Variants in PTPRK observed in about 807,000 individuals in gnomAD.
The protein encoded by PTPRK is protein tyrosine phosphatase receptor type K.
Under a neutral mutation model 178.0 loss-of-function variants are expected in PTPRK, and 75 were observed. The observed-to-expected ratio is 0.42, with a 90% CI of 0.35 to 0.51. The LOEUF (loss-of-function observed/expected upper bound fraction) is 0.51, where lower values mean the gene tolerates loss of function less well. Among genes scored for constraint, PTPRK ranks in the 20% least tolerant of loss-of-function variants. The pLI is 0.02. For missense variants in PTPRK, 1,441 were observed against 1,797.8 expected, an observed-to-expected ratio of 0.80 and a Z score of 3.59; for synonymous variants, 637 against 620.6, an observed-to-expected ratio of 1.03 and a Z score of -0.39.
chr6:128,287,630 A>G (rs1822716085), intron 3 of PTPRK, among the ~76,000 whole-genome samples: 1 of 152,150 alleles, frequency 6.6e-6, no homozygotes, highest in Non-Finnish European at 1.5e-5. Context: ...AAGACAAATC[A>G]TCAAAACTAG....
At chr6:128,421,330 A>G (rs1562486758) in intron 1 of PTPRK, among the ~76,000 whole-genome samples, 1 of 152,242 alleles carries the variant, frequency 6.6e-6, no homozygotes, top group East Asian at 1.9e-4. Flanking sequence ...ATATGAAAAC[A>G]AAATAGGGCT....
intron 1 of PTPRK, among the ~76,000 whole-genome samples, chr6:128,481,464 G>C (rs1852069655): frequency 1.3e-5 from 2 of 152,098 alleles, no homozygotes; most frequent in Admixed American, 6.6e-5. Flanking sequence ...ACAAAGATTA[G>C]ATAAATGAAT....
chr6:128,145,017 G>A (rs1423695535), intron 7 of PTPRK, among the ~76,000 whole-genome samples: 2 of 151,928 alleles, frequency 1.3e-5, no homozygotes, highest in Non-Finnish European at 2.9e-5. Flanking sequence ...TGTCAGATGT[G>A]GTGTTTAAAA....
At chr6:128,267,028 T>C (rs1222210073) in intron 3 of PTPRK, among the ~76,000 whole-genome samples, 3 of 152,186 alleles carry the variant, frequency 2.0e-5, no homozygotes, top group African/African-American at 7.2e-5. Context: ...AAAAATCTTA[T>C]GAAATCACAT....
At chr6:128,092,524 G>C (rs1271546869) in intron 7 of PTPRK, among the ~76,000 whole-genome samples, 2 of 152,016 alleles carry the variant, frequency 1.3e-5, no homozygotes, top group African/African-American at 4.8e-5. Flanking sequence ...TGTGTGTATA[G>C]ATACACACAT....
Position 128,278,716 on chromosome 6 carries a change from C to T in PTPRK, c.496-36114G>A, listed in dbSNP as rs537588161. On this transcript the variant is annotated intron_variant, in intron 3 of 29. Transcript: ENST00000368226. ...TTATTATCAAACACTTGAAAGATAA[C>T]ATAACTAACTAATACTTCTCAAACA... Among the ~76,000 whole-genome samples the T allele has an allele frequency of 3.9e-5, 6 of 152,224 alleles. No individual in the cohort carries two copies. The South Asian group carries it at 1.2e-3, about 32-fold the overall frequency.
intron 3 of PTPRK, among the ~76,000 whole-genome samples, chr6:128,297,837 C>A (rs910867373): frequency 2.0e-5 from 3 of 152,110 alleles, no homozygotes; most frequent in African/African-American, 7.2e-5. Context: ...AGAGCAAACA[C>A]ATTCAAAAGC....
intron 1 of PTPRK, among the ~76,000 whole-genome samples, chr6:128,408,815 A>C (rs1172181239): frequency 6.6e-6 from 1 of 152,248 alleles, no homozygotes; most frequent in Non-Finnish European, 1.5e-5. Context: ...CACTGAGAGC[A>C]AAATGGCTTG....
In PTPRK at chr6:127,970,287, G is replaced by A. The variant is rs749209149; in HGVS notation, c.4270-7C>T. ...AGCAGAAACGGTATTGCTCCTGAAAGATGTCAAAACACAAAGAGTGAGAAA... is the reference window on the plus strand; with the variant it reads ...AGCAGAAACGGTATTGCTCCTGAAAAATGTCAAAACACAAAGAGTGAGAAA... On this transcript the variant is annotated splice_polypyrimidine_tract_variant and splice_region_variant and intron_variant, in intron 29 of 29. Transcript: ENST00000368226. 6 of 1,608,834 alleles carry A rather than the reference G, an allele frequency of 3.7e-6. No individual in the cohort carries two copies. The Admixed American group carries it at 8.4e-5, about 23-fold the overall frequency.
At chr6:128,227,129 A>G (rs1811488839) in intron 5 of PTPRK, among the ~76,000 whole-genome samples, 1 of 152,174 alleles carries the variant, frequency 6.6e-6, no homozygotes, top group Non-Finnish European at 1.5e-5. Flanking sequence ...TGTATTTGCT[A>G]CCTTAGAACA....
At chr6:128,012,150 C>T (rs1779126049) in intron 13 of PTPRK, among the ~76,000 whole-genome samples, 1 of 151,266 alleles carries the variant, frequency 6.6e-6, no homozygotes. Context: ...GAATTCTCCT[C>T]AAAGTCTTTA....
chr6:127,992,832 AG>A, intron 18 of PTPRK, 123 bp from the exon 19 acceptor site: 1 of 696,092 alleles, frequency 1.4e-6, no homozygotes, highest in Non-Finnish European at 2.4e-6. Flanking sequence ...TCCAGAAATG[AG>A]TAGTGAACAC....
At chr6:128,409,347 A>G (rs1262259181) in intron 1 of PTPRK, 1 of 454,800 alleles carries the variant, frequency 2.2e-6, no homozygotes, top group Non-Finnish European at 4.4e-6. Flanking sequence ...AGATAAAATC[A>G]GAATGCAAAA....
chr6:128,042,814 T>C (rs188389793), intron 13 of PTPRK, among the ~76,000 whole-genome samples: 76 of 152,174 alleles, frequency 5.0e-4, no homozygotes, highest in Middle Eastern at 6.8e-3. Flanking sequence ...TTTGATAAAA[T>C]ATTATTCTCT....
At chr6:128,483,060 G>C (rs1852303207) in intron 1 of PTPRK, among the ~76,000 whole-genome samples, 1 of 152,018 alleles carries the variant, frequency 6.6e-6, no homozygotes, top group Non-Finnish European at 1.5e-5. Context: ...TAAATATTTA[G>C]ACAGAAGCCC....
chr6:128,379,757 A>G (rs2128355147), intron 2 of PTPRK, among the ~76,000 whole-genome samples: 1 of 152,308 alleles, frequency 6.6e-6, no homozygotes, highest in African/African-American at 2.4e-5. Flanking sequence ...GGTAAGTCAC[A>G]TGTTCCTTTC....
intron 7 of PTPRK, among the ~76,000 whole-genome samples, chr6:128,156,259 A>T (rs942969387): frequency 6.6e-6 from 1 of 151,950 alleles, no homozygotes; most frequent in African/African-American, 2.4e-5. Context: ...ACAAGCTTTG[A>T]TAATAATCTG....
chr6:128,493,895 C>G (rs1854273786), intron 1 of PTPRK, among the ~76,000 whole-genome samples: 1 of 152,186 alleles, frequency 6.6e-6, no homozygotes, highest in Non-Finnish European at 1.5e-5. Context: ...CTAAGCACTT[C>G]ATTTCTACGT....
chr6:128,486,612 T>C (rs1165411013), intron 1 of PTPRK, among the ~76,000 whole-genome samples: 1 of 152,096 alleles, frequency 6.6e-6, no homozygotes, highest in Non-Finnish European at 1.5e-5. Context: ...AAGACCAGCC[T>C]GGGCAACATG....
Sources: allele counts gnomAD v4.1 joint callset (sites outside exome capture counted in the v4.1 genomes callset), GRCh38; gene constraint gnomAD v4.1.1; transcripts MANE v1.5; gene names NCBI Gene and HGNC (gene_info 2026-07-23, HGNC 2026-07-21).